JAML: variants seen among roughly 807,000 people sequenced by gnomAD.
The protein encoded by JAML is junctional adhesion molecule-like.
In JAML, 25 loss-of-function variants were observed where a neutral mutation model predicts 39.3. The observed-to-expected ratio is 0.64, with a 90% CI of 0.46 to 0.89. The LOEUF is 0.89. Among genes scored for constraint, JAML ranks in the 40% least tolerant of loss-of-function variants. The probability of loss-of-function intolerance (pLI) is 0.00; values close to 1 mark genes in which losing one functional copy is unlikely to be tolerated. For missense variants in JAML, 440 were observed against 486.9 expected (o/e 0.90, Z 0.91); for synonymous variants, 162 against 179.2 (o/e 0.90, Z 0.77).
chr11:118,217,981 T>C (rs1949165446), intron 1 of JAML, among the ~76,000 whole-genome samples: 1 of 152,260 alleles, frequency 6.6e-6, no homozygotes, highest in Non-Finnish European at 1.5e-5. Context: ...TCCACCTTGC[T>C]CAGGCCTTCA....
At position 118,205,801 on chromosome 11, in the gene JAML, C is replaced by T. The variant is rs147122073; in HGVS notation, c.534+81G>A. Reference sequence around the variant, plus strand: ...CAAAGCCCAGGCTCTTGCAACACCTCCTCATGTGCCTGATTCTACCTTTGT... The same window carrying T: ...CAAAGCCCAGGCTCTTGCAACACCTTCTCATGTGCCTGATTCTACCTTTGT... On this transcript the variant is annotated intron_variant, in intron 5 of 9. Transcript: ENST00000356289. 305 of 1,321,856 alleles carry T rather than the reference C, an allele frequency of 2.3e-4. 5 individuals are homozygous for T. In the Admixed American group the frequency reaches 5.1e-3, roughly 22 times the overall value. 81.9% of individuals were successfully genotyped at this position (1,321,856 alleles called of 1,614,324 possible).
At chr11:118,202,745 C>G in intron 6 of JAML, 1 of 363,594 alleles carries the variant, frequency 2.8e-6, no homozygotes, top group East Asian at 7.3e-5. Context: ...CTCACCCCAT[C>G]TTCCCCACCC....
rs1949224618 is a variant in JAML at position 118,222,978 on chromosome 11, C to T, written c.-21+1963G>A. Among the ~76,000 whole-genome samples the T allele has an allele frequency of 6.6e-6, 1 of 151,644 alleles. No homozygotes were observed. Among genetic ancestry groups the T allele is most frequent in the Non-Finnish European group, 1.5e-5 (1 of 67,944 alleles). On this transcript the variant is annotated intron_variant, in intron 1 of 9. Transcript: ENST00000356289. This position sits in a 1 kb window ranked among gnomAD's most constrained non-coding sequence, Gnocchi z 4.2. ...GGTGTGGTGGTGAGCGCCTGTAATC[C>T]CAGCTACTTGGGAGGCTGAGGCAGG...
At chr11:118,197,633 A>C (rs1948687527) in intron 8 of JAML, 1 of 186,862 alleles carries the variant, frequency 5.4e-6, no homozygotes, top group African/African-American at 2.4e-5. Flanking sequence ...GCATTTGCAT[A>C]TCATCATCTT....
At position 118,200,324 on chromosome 11, in the gene JAML, T is replaced by A. The variant is rs1348276139; in HGVS notation, c.911+150A>T. The A allele has an allele frequency of 7.7e-6, 7 of 913,588 alleles. No homozygotes were observed. The East Asian group carries it at 1.6e-4, about 21-fold the overall frequency. The allele number at this position is 913,588 out of a possible 1,614,324, so 56.6% of individuals were successfully genotyped here. ...CTTTTCCCGGGCACAGTAAGCAAAG[T>A]GGGCAGGGTTACCACAGATGATTCC... On this transcript the variant is annotated intron_variant, in intron 7 of 9. Transcript: ENST00000356289.
At chr11:118,200,659 A>G (rs2134647915) in intron 6 of JAML, 47 bp from the exon 7 acceptor site, 1 of 1,610,512 alleles carries the variant, frequency 6.2e-7, no homozygotes, top group African/African-American at 1.3e-5. Context: ...ACTTTAGCAA[A>G]GAGCTGAGAG....
chr11:118,194,058 G>T lies in JAML; in HGVS notation c.*267C>A. 2.4e-6 allele frequency: 1 copy of T among 417,100 alleles called. No individual in the cohort carries two copies. The allele number at this position is 417,100 out of a possible 1,614,324, so 25.8% of individuals were successfully genotyped here. The stretch of plus-strand genomic sequence containing the variant: ...GGGTCTGATCCAACGGGGGGTTTGA[G>T]GCCACTCAGCTCAGCCTGGTTCCCA... On this transcript the variant is annotated 3_prime_UTR_variant, in exon 10 of 10. Coordinates refer to ENST00000356289, the MANE Select transcript of JAML (RefSeq NM_001098526.2).
At chr11:118,204,773 G>T (rs1331046220) in intron 5 of JAML, 1 of 152,056 alleles carries the variant, frequency 6.6e-6, no homozygotes, top group African/African-American at 2.4e-5. Context: ...CATCTTGGTT[G>T]TAAGTTTCCC....
chr11:118,210,245 T>A (rs1949019386), intron 4 of JAML, among the ~76,000 whole-genome samples: 1 of 152,208 alleles, frequency 6.6e-6, no homozygotes, highest in Admixed American at 6.5e-5. Context: ...AAAACATCCT[T>A]CACAGGGCTT....
intron 6 of JAML, chr11:118,202,536 G>T (rs547239922): frequency 1.7e-5 from 3 of 181,072 alleles, no homozygotes; most frequent in Admixed American, 1.6e-4. Flanking sequence ...GGATGGCAGG[G>T]CAGAGATAAG....
At chr11:118,223,849 G>A (rs1949234038) in intron 1 of JAML, 2 of 152,206 alleles carry the variant, frequency 1.3e-5, no homozygotes, top group East Asian at 3.9e-4. Context: ...ATGCTACAAT[G>A]AGACTACCAT....
At position 118,203,623 on chromosome 11, in the gene JAML, C is replaced by T. The variant is rs754734918; in HGVS notation, c.577G>A (p.Val193Met). ...TGGCCCCAGCTCTGGGAGTACTCCA[C>T]AGACATCCTGAGTTTGTGGTAGTAA... ...FRYYHKLRMS[V>M]EYSQSWGHFQ... is the part of the protein sequence containing the mutation. Residue 193 changes from valine (V) to methionine (M), a missense_variant, in exon 6 of 10, where the codon GTG becomes ATG. By Grantham distance (21) the Val-to-Met change is conservative. Transcript: ENST00000356289. 1.9e-6 allele frequency: 3 copies of T among 1,614,058 alleles called. No individual in the cohort carries two copies.
intron 6 of JAML, chr11:118,202,005 C>T (rs1257185939): frequency 6.6e-6 from 1 of 152,182 alleles, no homozygotes; most frequent in Non-Finnish European, 1.5e-5. Flanking sequence ...CTGTGTCCAA[C>T]ATAGAGTGCA....
At chr11:118,196,445 T>C (rs561100792) in intron 9 of JAML, among the ~76,000 whole-genome samples, 1 of 152,260 alleles carries the variant, frequency 6.6e-6, no homozygotes, top group Non-Finnish European at 1.5e-5. Flanking sequence ...CTTTATTAGA[T>C]TGAACTGATG....
Position 118,210,727 on chromosome 11 carries a change from A to G in JAML, c.199-15T>C. 1 of 1,606,374 alleles carries G rather than the reference A, an allele frequency of 6.2e-7. No individual in the cohort carries two copies. Among genetic ancestry groups the G allele is most frequent in the Non-Finnish European group, 8.5e-7 (1 of 1,172,944 alleles). ...ACATATTCGTCCTGAAGGGCAAAACAGTGTTGGAGACAATCAAAAGAGGTG... is the reference window on the plus strand; with the variant it reads ...ACATATTCGTCCTGAAGGGCAAAACGGTGTTGGAGACAATCAAAAGAGGTG... On this transcript the variant is annotated splice_polypyrimidine_tract_variant and intron_variant, in intron 3 of 9. Transcript: ENST00000356289.
At chr11:118,199,554 T>C (rs1004562532) in intron 7 of JAML, among the ~76,000 whole-genome samples, 10 of 152,040 alleles carry the variant, frequency 6.6e-5, no homozygotes, top group Non-Finnish European at 1.5e-4. Flanking sequence ...CCATCGATAG[T>C]TGGATAAACT....
intron 5 of JAML, chr11:118,205,626 C>G (rs1948899732): frequency 4.4e-6 from 2 of 458,808 alleles, no homozygotes; most frequent in African/African-American, 3.9e-5. Flanking sequence ...GGGGCCAAGT[C>G]TTATACAAAA....
chr11:118,203,213 C>A lies in JAML; in HGVS notation c.772+215G>T, dbSNP rs1051820743. ...ATTAGCTCCCCTCCCCTTGGCCTAG[C>A]AGCAGGGCCAGAACTAGGGTGAGGC... On this transcript the variant is annotated intron_variant, in intron 6 of 9. Coordinates refer to ENST00000356289, the MANE Select transcript of JAML (RefSeq NM_001098526.2). 5.7e-6 allele frequency: 4 copies of A among 696,956 alleles called. No individual in the cohort carries two copies. In the Admixed American group the frequency reaches 7.8e-5, roughly 14 times the overall value. 43.2% of individuals were successfully genotyped at this position (696,956 alleles called of 1,614,324 possible).
chr11:118,199,942 C>T (rs1044298784), intron 7 of JAML, among the ~76,000 whole-genome samples: 12 of 152,036 alleles, frequency 7.9e-5, no homozygotes, highest in South Asian at 2.1e-4. Context: ...GTGATCCGCC[C>T]GCCTTGGCCT....
Sources: gnomAD v4.1 joint callset for allele counts (sites outside exome capture counted in the v4.1 genomes callset) on GRCh38, gnomAD v4.1.1 for gene constraint, Gnocchi (gnomAD v3.1) non-coding constraint, MANE v1.5 for transcripts, NCBI Gene and HGNC (gene_info 2026-07-23, HGNC 2026-07-21) for gene names.